XKR6: variants seen among roughly 807,000 people sequenced by gnomAD.
XKR6 encodes the protein XK-related protein 6.
XKR6 carries 22 observed loss-of-function variants against 56.7 expected under a neutral mutation model. The observed-to-expected ratio is 0.39, with a 90% CI of 0.28 to 0.55. The LOEUF is 0.55. Ranked by LOEUF, XKR6 falls within the 20% of genes least tolerant of loss-of-function variation. The pLI is 0.66. For synonymous variants in XKR6, 524 were observed against 387.8 expected (o/e 1.35, Z -4.13); for missense variants, 852 against 889.0 (o/e 0.96, Z 0.53).
intron 1 of XKR6, among the ~76,000 whole-genome samples, chr8:11,107,047 G>C (rs956989103): frequency 1.3e-5 from 2 of 151,938 alleles, no homozygotes; most frequent in Non-Finnish European, 2.9e-5. Context: ...ACATGACAAT[G>C]AGAGGAAAGA....
intron 1 of XKR6, among the ~76,000 whole-genome samples, chr8:11,182,596 C>T (rs547159737): frequency 6.6e-6 from 1 of 152,174 alleles, no homozygotes; most frequent in African/African-American, 2.4e-5. Flanking sequence ...TTAAGTTGGG[C>T]AACAGTCCTA....
chr8:10,959,699 G>C (rs1261267043), intron 1 of XKR6, among the ~76,000 whole-genome samples: 2 of 152,128 alleles, frequency 1.3e-5, no homozygotes, highest in Non-Finnish European at 2.9e-5. Context: ...CCATCCCACT[G>C]TGGGTTACCC....
chr8:11,195,258 TAC>T, intron 1 of XKR6: 1 of 690,570 alleles, frequency 1.4e-6, no homozygotes, highest in Non-Finnish European at 2.6e-6. Flanking sequence ...CTAGTGTTTT[TAC>T]AGTTTAACAT....
Position 10,959,091 on chromosome 8 carries a change from G to A in XKR6, c.765-34261C>T, listed in dbSNP as rs556588645. On this transcript the variant is annotated intron_variant, in intron 1 of 2. Coordinates refer to ENST00000416569, the MANE Select transcript of XKR6 (RefSeq NM_173683.4). ...GCGACCACCTCTCCTGGGTCACTTT[G>A]GGTGTTGGCTCGCTTTGGGGGTCCC... 4.6e-4 allele frequency among the ~76,000 whole-genome samples: 70 copies of A among 152,296 alleles called. 1 individual carries two copies. Among genetic ancestry groups the A allele is most frequent in the Admixed American group, 4.0e-3 (61 of 15,298 alleles).
At chr8:11,069,935 C>T (rs1800074737) in intron 1 of XKR6, among the ~76,000 whole-genome samples, 1 of 152,170 alleles carries the variant, frequency 6.6e-6, no homozygotes, top group African/African-American at 2.4e-5. Flanking sequence ...TTGATATTGA[C>T]CCAAGGATTA....
At chr8:11,131,266 T>G (rs576739113) in intron 1 of XKR6, among the ~76,000 whole-genome samples, 2 of 152,188 alleles carry the variant, frequency 1.3e-5, no homozygotes, top group Non-Finnish European at 2.9e-5. Context: ...TGTATCCTAT[T>G]TCTGTTTCAT....
chr8:10,964,560 C>T (rs1458742504), intron 1 of XKR6, among the ~76,000 whole-genome samples: 1 of 152,162 alleles, frequency 6.6e-6, no homozygotes, highest in Non-Finnish European at 1.5e-5. Context: ...GGCATCTCAA[C>T]CTTAATGGGG....
At chr8:11,093,027 T>C (rs1333082565) in intron 1 of XKR6, among the ~76,000 whole-genome samples, 1 of 141,606 alleles carries the variant, frequency 7.1e-6, no homozygotes, top group African/African-American at 3.1e-5. Flanking sequence ...CTTTTCTTTT[T>C]TCTTTTCTCT....
intron 1 of XKR6, among the ~76,000 whole-genome samples, chr8:11,162,908 A>G (rs1336360736): frequency 2.0e-5 from 3 of 152,194 alleles, no homozygotes; most frequent in African/African-American, 4.8e-5. Flanking sequence ...GTTCACAGAA[A>G]TTTTTGCTAA....
intron 1 of XKR6, among the ~76,000 whole-genome samples, chr8:10,974,781 C>T (rs762343700): frequency 2.6e-5 from 4 of 152,154 alleles, no homozygotes; most frequent in Non-Finnish European, 2.9e-5. Flanking sequence ...GTGAAGGAAG[C>T]GCACAGAGCT....
At chr8:11,169,510 T>G (rs553772378) in intron 1 of XKR6, among the ~76,000 whole-genome samples, 2 of 152,230 alleles carry the variant, frequency 1.3e-5, no homozygotes, top group African/African-American at 4.8e-5. Flanking sequence ...GAAAACATTA[T>G]GCTAAGTTAA....
intron 1 of XKR6, among the ~76,000 whole-genome samples, chr8:11,116,626 C>G (rs1586566898): frequency 2.0e-5 from 3 of 152,282 alleles, no homozygotes; most frequent in Admixed American, 2.0e-4. Context: ...CTGTCTCAGC[C>G]TCCCAAAGTG....
intron 1 of XKR6, among the ~76,000 whole-genome samples, chr8:11,179,268 G>C (rs540932807): frequency 2.0e-5 from 3 of 152,232 alleles, no homozygotes; most frequent in Non-Finnish European, 4.4e-5. Flanking sequence ...GTGGACAGCT[G>C]TCACACACGT....
At chr8:11,167,724 G>A (rs1205734466) in intron 1 of XKR6, among the ~76,000 whole-genome samples, 2 of 151,998 alleles carry the variant, frequency 1.3e-5, no homozygotes, top group Non-Finnish European at 2.9e-5. Context: ...GCTCACTATT[G>A]AAGGAGGGCC....
At chr8:10,946,420 G>A (rs919968638) in intron 1 of XKR6, among the ~76,000 whole-genome samples, 2 of 152,018 alleles carry the variant, frequency 1.3e-5, no homozygotes, top group African/African-American at 2.4e-5. Context: ...TGTAAGCCTC[G>A]GGTGCAGGGT....
intron 1 of XKR6, among the ~76,000 whole-genome samples, chr8:10,959,104 C>T (rs1033215833): frequency 2.0e-5 from 3 of 152,176 alleles, no homozygotes; most frequent in Non-Finnish European, 4.4e-5. Context: ...TGTTGGCTCG[C>T]TTTGGGGGTC....
intron 1 of XKR6, among the ~76,000 whole-genome samples, chr8:10,944,456 C>A (rs760528108): frequency 6.6e-6 from 1 of 152,292 alleles, no homozygotes; most frequent in East Asian, 1.9e-4. Flanking sequence ...ACTGACCTTT[C>A]GAAAATCCTC....
In XKR6 at chr8:10,924,670, T is replaced by G; in HGVS notation, c.925A>C (p.Ile309Leu). Residue 309 changes from isoleucine (I) to leucine (L), a missense_variant, in exon 2 of 3, where the codon ATC (isoleucine) becomes CTC (leucine). This residue lies in a region of XKR6 where 199 missense variants were observed against 280.4 expected (regional missense o/e 0.71). Transcript: ENST00000416569. ...TCGGCGCTGTTCTTCTGGAGCATGATGTAGAGCTGTAGCACCAGTTGGGGC... is the reference window on the plus strand; with the variant it reads ...TCGGCGCTGTTCTTCTGGAGCATGAGGTAGAGCTGTAGCACCAGTTGGGGC... ...SAPQLVLQLY[I>L]MLQKNSAETL... 1 of 1,612,640 alleles carries G rather than the reference T, an allele frequency of 6.2e-7. No individual in the cohort carries two copies. Among genetic ancestry groups the G allele is most frequent in the Non-Finnish European group, 8.5e-7 (1 of 1,179,810 alleles).
At chr8:10,912,894 A>C (rs1800448924) in intron 2 of XKR6, among the ~76,000 whole-genome samples, 1 of 150,852 alleles carries the variant, frequency 6.6e-6, no homozygotes, top group Non-Finnish European at 1.5e-5. Flanking sequence ...GTGTGTGTTT[A>C]TATATAAAGA....
Sources: allele counts gnomAD v4.1 joint callset (sites outside exome capture counted in the v4.1 genomes callset), GRCh38; gene constraint gnomAD v4.1.1; regional missense constraint gnomAD v4.1.1; transcripts MANE v1.5; gene names NCBI Gene and HGNC (gene_info 2026-07-23, HGNC 2026-07-21).